Variants in LMX1A observed in about 807,000 individuals in gnomAD.
The protein encoded by LMX1A is LIM homeobox transcription factor 1-alpha.
In LMX1A, 15 loss-of-function variants were observed where a neutral mutation model predicts 49.1. The observed-to-expected ratio is 0.31, with a 90% confidence interval of 0.20 to 0.47. The LOEUF is 0.47. LMX1A is among the 20% of genes least tolerant of loss of function. LMX1A has a pLI of 1.00. For synonymous variants in LMX1A, 167 were observed against 185.7 expected (o/e 0.90, Z 0.82); for missense variants, 372 against 475.8 (o/e 0.78, Z 2.03).
chr1:165,302,069 C>CA (rs1244530914), intron 3 of LMX1A, among the ~76,000 whole-genome samples: 1 of 152,144 alleles, frequency 6.6e-6, no homozygotes, highest in Admixed American at 6.5e-5. Context: ...GACAGACACT[C>CA]AAAACAGCAG....
In LMX1A at chr1:165,355,022, C is replaced by A. The variant is rs1270204281; in HGVS notation, c.76+462G>T. Among the ~76,000 whole-genome samples the A allele has an allele frequency of 1.3e-5, 2 of 152,160 alleles. No individual in the cohort carries two copies. Among genetic ancestry groups the A allele is most frequent in the Non-Finnish European group, 2.9e-5 (2 of 68,038 alleles). ...GCGTTGCCTACTGGCCCAGAAAAGT[C>A]TCTCTCGGCCTTGCCCATGGCTGAA... On this transcript the variant is annotated intron_variant, in intron 2 of 8. Coordinates refer to ENST00000342310, the MANE Select transcript of LMX1A (RefSeq NM_177398.4). This position sits in a 1 kb window ranked among gnomAD's most constrained non-coding sequence, Gnocchi z 4.7.
chr1:165,223,952 G>A (rs1651946316), intron 4 of LMX1A, among the ~76,000 whole-genome samples: 1 of 152,170 alleles, frequency 6.6e-6, no homozygotes, highest in African/African-American at 2.4e-5. Flanking sequence ...AGTGGCCTTG[G>A]CCAGTGATAT....
chr1:165,334,812 C>T (rs1207315293), intron 3 of LMX1A, among the ~76,000 whole-genome samples: 2 of 152,190 alleles, frequency 1.3e-5, no homozygotes, highest in Non-Finnish European at 2.9e-5. Context: ...CTCTTGATCT[C>T]CTGAGAGAAG....
At chr1:165,224,838 A>T (rs1024795353) in intron 4 of LMX1A, among the ~76,000 whole-genome samples, 14 of 152,194 alleles carry the variant, frequency 9.2e-5, no homozygotes, top group African/African-American at 3.1e-4. Context: ...CTACCTCCAC[A>T]GTTAGGGTTC....
intron 4 of LMX1A, among the ~76,000 whole-genome samples, chr1:165,234,883 A>C (rs1353180661): frequency 6.6e-6 from 1 of 152,204 alleles, no homozygotes; most frequent in African/African-American, 2.4e-5. Flanking sequence ...CAGAAAGTTA[A>C]TCTAACAATC....
chr1:165,207,790 C>A (rs1651152295), intron 7 of LMX1A, among the ~76,000 whole-genome samples: 1 of 152,128 alleles, frequency 6.6e-6, no homozygotes, highest in Admixed American at 6.6e-5. Context: ...GCAAGCAGTC[C>A]CTGACGCTGT....
At chr1:165,303,800 T>C (rs1297580868) in intron 3 of LMX1A, among the ~76,000 whole-genome samples, 1 of 152,154 alleles carries the variant, frequency 6.6e-6, no homozygotes, top group African/African-American at 2.4e-5. Context: ...GCTCTAACAA[T>C]TATTTTTCTA....
At position 165,202,500 on chromosome 1, in the gene LMX1A, C is replaced by T. The variant is rs1650889180; in HGVS notation, c.*1380G>A. 6.6e-6 allele frequency: 1 copy of T among 151,964 alleles called. No individual in the cohort carries two copies. Among genetic ancestry groups the T allele is most frequent in the Non-Finnish European group, 1.5e-5 (1 of 67,988 alleles). 9.4% of individuals were successfully genotyped at this position (151,964 alleles called of 1,614,324 possible). On this transcript the variant is annotated 3_prime_UTR_variant, in exon 9 of 9. Coordinates refer to ENST00000342310, the MANE Select transcript of LMX1A (RefSeq NM_177398.4). ...GGCCCCAAACTTTTTCTGTAAGGGC[C>T]AGACAATACAGATAGCAAATATTTC... is the stretch of plus-strand genomic sequence containing the variant.
At chr1:165,323,225 T>C (rs764697827) in intron 3 of LMX1A, among the ~76,000 whole-genome samples, 1 of 152,182 alleles carries the variant, frequency 6.6e-6, no homozygotes, top group Non-Finnish European at 1.5e-5. Context: ...AGAGTAATAT[T>C]ACCTGCCCAG....
chr1:165,292,234 A>AT (rs777895444), intron 3 of LMX1A, among the ~76,000 whole-genome samples: 2 of 152,136 alleles, frequency 1.3e-5, no homozygotes, highest in South Asian at 2.1e-4. Context: ...AGGATGCTAG[A>AT]TTTTTTCTTT....
chr1:165,342,190 G>A (rs1656096815), intron 3 of LMX1A, among the ~76,000 whole-genome samples: 1 of 152,214 alleles, frequency 6.6e-6, no homozygotes, highest in African/African-American at 2.4e-5. Flanking sequence ...TAAAAAACAA[G>A]AGGGATGTCA....
intron 3 of LMX1A, among the ~76,000 whole-genome samples, chr1:165,310,818 T>C (rs1319861447): frequency 1.3e-5 from 2 of 152,214 alleles, no homozygotes; most frequent in Non-Finnish European, 2.9e-5. Flanking sequence ...TGCTCAGGCA[T>C]TTGCAATACA....
intron 3 of LMX1A, among the ~76,000 whole-genome samples, chr1:165,319,903 G>C (rs1246469345): frequency 6.6e-6 from 1 of 152,074 alleles, no homozygotes. Context: ...GTAATTCAGT[G>C]TCTCTGACCA....
At chr1:165,275,621 C>A (rs772489008) in intron 3 of LMX1A, among the ~76,000 whole-genome samples, 5 of 152,294 alleles carry the variant, frequency 3.3e-5, no homozygotes, top group Middle Eastern at 3.4e-3. Context: ...TTCCTTATTT[C>A]TATAGCAAAT....
At chr1:165,204,386 T>C (rs1650981881) in intron 8 of LMX1A, among the ~76,000 whole-genome samples, 2 of 152,084 alleles carry the variant, frequency 1.3e-5, no homozygotes, top group South Asian at 4.1e-4. Context: ...GAAGGAGGGA[T>C]GGTAAAACCA....
chr1:165,242,525 T>C lies in LMX1A; in HGVS notation c.496+6883A>G, dbSNP rs73029221. Among the ~76,000 whole-genome samples, 797 of 150,608 alleles carry C rather than the reference T, an allele frequency of 5.3e-3. 12 individuals are homozygous for C. Among genetic ancestry groups the C allele is most frequent in the African/African-American group, 0.019 (765 of 40,982 alleles). On this transcript the variant is annotated intron_variant, in intron 4 of 8. Transcript: ENST00000342310. ...AAGACACTAAAAGGAAATAAAGATA[T>C]TGTTTGAGATAGCAAAAATGAAATT...
intron 3 of LMX1A, among the ~76,000 whole-genome samples, chr1:165,312,741 A>G (rs992692528): frequency 1.3e-5 from 2 of 152,232 alleles, no homozygotes; most frequent in Admixed American, 6.5e-5. Flanking sequence ...CAGATCCTCC[A>G]TCCCCAGCTG....
At chr1:165,219,949 G>T (rs1277944930) in intron 4 of LMX1A, among the ~76,000 whole-genome samples, 8 of 152,202 alleles carry the variant, frequency 5.3e-5, no homozygotes, top group Admixed American at 5.2e-4. Flanking sequence ...CACAGTGCAG[G>T]TGTCACCTGA....
intron 5 of LMX1A, 54 bp from the exon 6 acceptor site, chr1:165,210,830 T>A: frequency 7.4e-7 from 1 of 1,349,842 alleles, no homozygotes; most frequent in Non-Finnish European, 1.1e-6. Flanking sequence ...GGGTAGGAGG[T>A]AGAACATCTC....
Sources: allele counts gnomAD v4.1 joint callset (sites outside exome capture counted in the v4.1 genomes callset), GRCh38; gene constraint gnomAD v4.1.1; non-coding constraint Gnocchi (gnomAD v3.1); transcripts MANE v1.5; gene names NCBI Gene and HGNC (gene_info 2026-07-23, HGNC 2026-07-21).